Variants in GALNT16 observed in about 807,000 individuals in gnomAD.
GALNT16 encodes UDP-GalNAc:polypeptide N-acetylgalactosaminyltransferase-like protein 1.
GALNT16 carries 40 observed loss-of-function variants against 76.1 expected under a neutral mutation model. That is an observed-to-expected ratio of 0.53 (90% CI 0.41 to 0.68). The LOEUF (loss-of-function observed/expected upper bound fraction) is 0.68. Ranked by LOEUF, GALNT16 falls within the 30% of genes least tolerant of loss-of-function variation. The pLI is 0.00. For synonymous variants in GALNT16, 276 were observed against 285.2 expected (o/e 0.97, Z 0.32); for missense variants, 621 against 731.9 (o/e 0.85, Z 1.75).
the GALNT16 span, among the ~76,000 whole-genome samples, chr14:69,378,025 G>C: frequency 6.6e-6 from 1 of 152,198 alleles, no homozygotes; most frequent in South Asian, 2.1e-4. Context: ...AGCCTGGTCT[G>C]CTTTTAGGAC....
chr14:69,327,980 T>G (rs2045306525), intron 5 of GALNT16, among the ~76,000 whole-genome samples: 1 of 152,082 alleles, frequency 6.6e-6, no homozygotes, highest in Non-Finnish European at 1.5e-5. Flanking sequence ...CTCAGAGCGG[T>G]TAAATAACAT....
chr14:69,371,195 A>G, the GALNT16 span, among the ~76,000 whole-genome samples: 1 of 152,142 alleles, frequency 6.6e-6, no homozygotes, highest in South Asian at 2.1e-4. Flanking sequence ...ATACAGGGGT[A>G]ACTTCACGGT....
At chr14:69,328,390 G>C (rs2045311170) in intron 5 of GALNT16, 60 bp from the exon 6 acceptor site, 1 of 1,568,370 alleles carries the variant, frequency 6.4e-7, no homozygotes, top group Admixed American at 1.8e-5. Flanking sequence ...GACTTTGGGG[G>C]ACAGGTGGGA....
chr14:69,365,679 T>G, the GALNT16 span, among the ~76,000 whole-genome samples: 3 of 152,136 alleles, frequency 2.0e-5, no homozygotes, highest in African/African-American at 4.8e-5. Flanking sequence ...GATGCTGGGC[T>G]TAATACCTAG....
intron 1 of GALNT16, among the ~76,000 whole-genome samples, chr14:69,276,507 C>T (rs2044473173): frequency 6.6e-6 from 1 of 151,974 alleles, no homozygotes; most frequent in African/African-American, 2.4e-5. Flanking sequence ...ATGGTGAAGC[C>T]CTGTCTCTGC....
At chr14:69,275,896 A>G (rs1005935548) in intron 1 of GALNT16, among the ~76,000 whole-genome samples, 13 of 152,182 alleles carry the variant, frequency 8.5e-5, no homozygotes, top group African/African-American at 2.9e-4. Context: ...GGCATACCTG[A>G]GACTGGGCAA....
intron 1 of GALNT16, among the ~76,000 whole-genome samples, chr14:69,276,240 G>A (rs1036603895): frequency 9.2e-5 from 14 of 152,114 alleles, no homozygotes; most frequent in Non-Finnish European, 1.6e-4. Context: ...AAAAAAAGAA[G>A]ACCAAAGAAG....
chr14:69,317,652 A>C (rs994555529), intron 1 of GALNT16, among the ~76,000 whole-genome samples: 1 of 152,234 alleles, frequency 6.6e-6, no homozygotes. Flanking sequence ...GCTATGGAGC[A>C]TGGGAGGGCA....
chr14:69,307,676 C>T (rs1160770555), intron 1 of GALNT16, among the ~76,000 whole-genome samples: 1 of 152,196 alleles, frequency 6.6e-6, no homozygotes, highest in Non-Finnish European at 1.5e-5. Flanking sequence ...CATCCCTTTT[C>T]AGCTCTCCTT....
At chr14:69,281,065 C>T (rs1469802694) in intron 1 of GALNT16, among the ~76,000 whole-genome samples, 1 of 151,432 alleles carries the variant, frequency 6.6e-6, no homozygotes, top group Non-Finnish European at 1.5e-5. Context: ...TGCACCAACC[C>T]AACTGTGCTA....
At position 69,325,235 on chromosome 14, in the gene GALNT16, C is replaced by T. The variant is rs1258505622; in HGVS notation, c.435-102C>T. On this transcript the variant is annotated intron_variant, in intron 3 of 14. Transcript: ENST00000448469. ...AGGTAGGAGCGCCCAGCATGCTGGC[C>T]CTGGAGCTGGGCGGCTGGGGAGTCC... The T allele has an allele frequency of 2.6e-5, 20 of 780,772 alleles. 1 individual carries two copies. Among genetic ancestry groups the T allele is most frequent in the South Asian group, 2.5e-4 (18 of 73,146 alleles). The allele number at this position is 780,772 out of a possible 1,614,324, so 48.4% of individuals were successfully genotyped here. A position where few individuals can be genotyped will look rare whatever the true frequency, so the allele number is the denominator to read the frequency against.
At chr14:69,339,651 C>T (rs777889553) in intron 11 of GALNT16, 32 bp downstream of exon 11, 13 of 1,350,506 alleles carry the variant, frequency 9.6e-6, no homozygotes, top group African/African-American at 1.4e-5. Context: ...GTCTGACTCC[C>T]TCTACCCACA....
chr14:69,377,368 C>T, the GALNT16 span, among the ~76,000 whole-genome samples: 4 of 151,976 alleles, frequency 2.6e-5, no homozygotes, highest in Non-Finnish European at 4.4e-5. Flanking sequence ...TTTATTTTTA[C>T]CATTAATAGA....
intron 1 of GALNT16, among the ~76,000 whole-genome samples, chr14:69,282,425 G>C (rs1221323825): frequency 6.6e-6 from 1 of 152,072 alleles, no homozygotes; most frequent in Admixed American, 6.5e-5. Context: ...AACACCCCTA[G>C]CTCCTCAGAT....
chr14:69,279,578 T>A (rs763608677), intron 1 of GALNT16, among the ~76,000 whole-genome samples: 19 of 152,272 alleles, frequency 1.2e-4, no homozygotes, highest in Non-Finnish European at 2.4e-4. Context: ...AAGACCCAGT[T>A]CCTGCCCTCA....
chr14:69,277,980 G>A (rs2044495776), intron 1 of GALNT16, among the ~76,000 whole-genome samples: 1 of 151,042 alleles, frequency 6.6e-6, no homozygotes, highest in South Asian at 2.1e-4. Flanking sequence ...TCAGAGAAAT[G>A]CAAATCAAAA....
chr14:69,287,524 C>A (rs2044629514), intron 1 of GALNT16, among the ~76,000 whole-genome samples: 1 of 152,206 alleles, frequency 6.6e-6, no homozygotes, highest in African/African-American at 2.4e-5. Context: ...GCTCCCGTAG[C>A]CTGAGCTCCC....
chr14:69,290,171 G>C (rs1011349302), intron 1 of GALNT16, among the ~76,000 whole-genome samples: 1 of 152,240 alleles, frequency 6.6e-6, no homozygotes, highest in Non-Finnish European at 1.5e-5. Flanking sequence ...CACGCCATGT[G>C]TTCATCTTTC....
At chr14:69,383,758 A>T in the GALNT16 span, among the ~76,000 whole-genome samples, 1 of 152,246 alleles carries the variant, frequency 6.6e-6, no homozygotes, top group Non-Finnish European at 1.5e-5. Flanking sequence ...TTATCTAGGT[A>T]ATAATTAAAG....
Sources: allele counts gnomAD v4.1 joint callset (sites outside exome capture counted in the v4.1 genomes callset), GRCh38; gene constraint gnomAD v4.1.1; transcripts MANE v1.5; gene names NCBI Gene and HGNC (gene_info 2026-07-23, HGNC 2026-07-21).